Variants in TMPRSS11D observed in about 807,000 individuals in gnomAD.
The protein encoded by TMPRSS11D is transmembrane protease serine 11D.
In TMPRSS11D, 32 loss-of-function variants were observed where a neutral mutation model predicts 44.4. The observed-to-expected ratio is 0.72, with a 90% CI of 0.54 to 0.97. The LOEUF (loss-of-function observed/expected upper bound fraction) is 0.97. TMPRSS11D is among the 50% of genes least tolerant of loss of function. The probability of loss-of-function intolerance (pLI) is 0.00; values close to 1 mark genes in which losing one functional copy is unlikely to be tolerated. For missense variants in TMPRSS11D, 446 were observed against 502.6 expected (o/e 0.89, Z 1.08); for synonymous variants, 179 against 177.9 (o/e 1.01, Z -0.05).
At chr4:67,866,558 C>A (rs1055483846) in intron 1 of TMPRSS11D, among the ~76,000 whole-genome samples, 1 of 151,596 alleles carries the variant, frequency 6.6e-6, no homozygotes, top group Non-Finnish European at 1.5e-5. Flanking sequence ...ATTATCTCTA[C>A]TGACAATATG....
chr4:67,836,483 G>C (rs1442928272), intron 5 of TMPRSS11D, among the ~76,000 whole-genome samples: 1 of 152,124 alleles, frequency 6.6e-6, no homozygotes, highest in Non-Finnish European at 1.5e-5. Context: ...TATCACATTT[G>C]TTTTGCAAAC....
At chr4:67,843,006 C>A (rs1718267234) in intron 3 of TMPRSS11D, among the ~76,000 whole-genome samples, 1 of 151,768 alleles carries the variant, frequency 6.6e-6, no homozygotes, top group Admixed American at 6.6e-5. Flanking sequence ...TGTGTGATCC[C>A]AACAATTGCT....
chr4:67,865,188 C>T lies in TMPRSS11D; in HGVS notation c.9-5510G>A, dbSNP rs116241673. Among the ~76,000 whole-genome samples the T allele has an allele frequency of 3.3e-3, 501 of 151,340 alleles. 2 individuals carry two copies. The highest frequency in any genetic ancestry group is 0.011 in the African/African-American group (469 of 41,328). ...TATATTCTCAAATTACAATGGTCTA[C>T]AACTAGAAATCAATACCAGGAGGAA... On this transcript the variant is annotated intron_variant, in intron 1 of 9. Transcript: ENST00000283916.
chr4:67,875,419 A>G (rs903790753), intron 1 of TMPRSS11D, among the ~76,000 whole-genome samples: 2 of 152,116 alleles, frequency 1.3e-5, no homozygotes, highest in Non-Finnish European at 2.9e-5. Flanking sequence ...TCCCTTCTTA[A>G]CAAGAAGGTT....
intron 3 of TMPRSS11D, among the ~76,000 whole-genome samples, chr4:67,848,422 C>T (rs1026005459): frequency 2.0e-5 from 3 of 152,176 alleles, no homozygotes; most frequent in Non-Finnish European, 2.9e-5. Context: ...CACCACCTCC[C>T]GCCCTCCTTC....
intron 4 of TMPRSS11D, among the ~76,000 whole-genome samples, chr4:67,838,699 T>G (rs1269183024): frequency 6.6e-6 from 1 of 152,050 alleles, no homozygotes. Flanking sequence ...CAAAGAAGAG[T>G]CAATAGCACA....
At chr4:67,832,879 G>T (rs1481021854) in intron 7 of TMPRSS11D, among the ~76,000 whole-genome samples, 1 of 151,816 alleles carries the variant, frequency 6.6e-6, no homozygotes, top group East Asian at 1.9e-4. Context: ...TAACAGTGTT[G>T]TCCCTTAATT....
rs1464872655 is a variant in TMPRSS11D at position 67,821,332 on chromosome 4, T to C, written c.*1005A>G. ...TTTTCTGTCTTCAGGATCATTCTAT[T>C]GATATTAAGCTATTTAAACTTTTCC... On this transcript the variant is annotated 3_prime_UTR_variant, in exon 10 of 10. Transcript: ENST00000283916. The C allele has an allele frequency of 1.3e-5, 2 of 152,154 alleles. No individual in the cohort carries two copies. Among genetic ancestry groups the C allele is most frequent in the African/African-American group, 4.8e-5 (2 of 41,440 alleles). The allele number at this position is 152,154 out of a possible 1,614,324, so 9.4% of individuals were successfully genotyped here. A position where few individuals can be genotyped will look rare whatever the true frequency, so the allele number is the denominator to read the frequency against.
chr4:67,861,891 A>G (rs1365722827), intron 1 of TMPRSS11D, among the ~76,000 whole-genome samples: 1 of 152,140 alleles, frequency 6.6e-6, no homozygotes, highest in Non-Finnish European at 1.5e-5. Flanking sequence ...TTCAACTTCT[A>G]GTTGAACCTC....
intron 7 of TMPRSS11D, among the ~76,000 whole-genome samples, chr4:67,830,856 T>C (rs1486277838): frequency 1.3e-5 from 2 of 152,120 alleles, no homozygotes; most frequent in Non-Finnish European, 2.9e-5. Flanking sequence ...AATTAATAGC[T>C]CTGGGGTTTA....
chr4:67,847,324 A>C (rs554289887), intron 3 of TMPRSS11D, among the ~76,000 whole-genome samples: 1 of 152,290 alleles, frequency 6.6e-6, no homozygotes, highest in South Asian at 2.1e-4. Flanking sequence ...TTTACCTGTT[A>C]ATATGGCTTT....
chr4:67,845,196 T>C (rs1447624928), intron 3 of TMPRSS11D, among the ~76,000 whole-genome samples: 1 of 152,154 alleles, frequency 6.6e-6, no homozygotes, highest in Non-Finnish European at 1.5e-5. Context: ...AGTTGATTAA[T>C]TGGTTGATAT....
At chr4:67,847,305 T>G (rs1718382962) in intron 3 of TMPRSS11D, among the ~76,000 whole-genome samples, 1 of 152,234 alleles carries the variant, frequency 6.6e-6, no homozygotes, top group South Asian at 2.1e-4. Flanking sequence ...TACCACTGAC[T>G]GGCATTGCTT....
chr4:67,872,322 C>T (rs1719079293), intron 1 of TMPRSS11D, among the ~76,000 whole-genome samples: 1 of 151,882 alleles, frequency 6.6e-6, no homozygotes, highest in African/African-American at 2.4e-5. Flanking sequence ...CTTTTTCCCC[C>T]TTTATTTTTA....
intron 9 of TMPRSS11D, among the ~76,000 whole-genome samples, chr4:67,823,744 T>A (rs1717709706): frequency 5.9e-5 from 9 of 152,150 alleles, no homozygotes. Flanking sequence ...ATGAAGCTGG[T>A]CGTCACCTGC....
chr4:67,836,704 G>T (rs779163938), intron 5 of TMPRSS11D, among the ~76,000 whole-genome samples: 1 of 152,092 alleles, frequency 6.6e-6, no homozygotes, highest in Non-Finnish European at 1.5e-5. Context: ...AATTCATATA[G>T]GGCATTAAAG....
At position 67,863,500 on chromosome 4, in the gene TMPRSS11D, T is replaced by C. The variant is rs972291451; in HGVS notation, c.9-3822A>G. ...TCTTATTTATTTAAAATTTCCTTTG[T>C]TCTGATATCAGTCATGTCTTTCAAA... is the stretch of plus-strand genomic sequence containing the variant. On this transcript the variant is annotated intron_variant, in intron 1 of 9. Transcript: ENST00000283916. Among the ~76,000 whole-genome samples, 14 of 152,078 alleles carry C rather than the reference T, an allele frequency of 9.2e-5. 1 individual carries two copies. Among genetic ancestry groups the C allele is most frequent in the Non-Finnish European group, 1.8e-4 (12 of 67,964 alleles).
At chr4:67,844,252 A>G (rs376522085) in intron 3 of TMPRSS11D, among the ~76,000 whole-genome samples, 5 of 152,118 alleles carry the variant, frequency 3.3e-5, no homozygotes, top group African/African-American at 1.2e-4. Context: ...AAAATGGTAA[A>G]ATTTATGCAA....
At chr4:67,826,184 G>T (rs1444023211) in intron 8 of TMPRSS11D, among the ~76,000 whole-genome samples, 1 of 151,746 alleles carries the variant, frequency 6.6e-6, no homozygotes, top group Non-Finnish European at 1.5e-5. Context: ...GACAGATTTT[G>T]GATTGGAAGA....
Sources: gnomAD v4.1 joint callset for allele counts (sites outside exome capture counted in the v4.1 genomes callset) on GRCh38, gnomAD v4.1.1 for gene constraint, MANE v1.5 for transcripts, NCBI Gene and HGNC (gene_info 2026-07-23, HGNC 2026-07-21) for gene names.